NEK1: variants seen among roughly 807,000 people sequenced by gnomAD.
The protein encoded by NEK1 is serine/threonine-protein kinase Nek1.
Under a neutral mutation model 182.1 loss-of-function variants are expected in NEK1, and 137 were observed. The observed-to-expected ratio is 0.75, with a 90% CI of 0.65 to 0.87. NEK1 has a LOEUF of 0.87. Ranked by LOEUF, NEK1 falls within the 40% of genes least tolerant of loss-of-function variation. NEK1 has a pLI of 0.00. For missense variants in NEK1, 1,391 were observed against 1,494.4 expected, an observed-to-expected ratio of 0.93 and a Z score of 1.14; for synonymous variants, 513 against 492.2, an observed-to-expected ratio of 1.04 and a Z score of -0.56.
At chr4:169,561,770 C>T (rs768243953) in intron 14 of NEK1, 33 bp from the exon 15 acceptor site, 20 of 1,596,548 alleles carry the variant, frequency 1.3e-5, no homozygotes, top group Non-Finnish European at 1.6e-5. Flanking sequence ...CTTCTTACAA[C>T]TCTTGAACCT....
intron 32 of NEK1, among the ~76,000 whole-genome samples, chr4:169,404,588 A>C (rs1732254287): frequency 6.6e-6 from 1 of 152,150 alleles, no homozygotes; most frequent in Non-Finnish European, 1.5e-5. Context: ...ATTACAAAAT[A>C]AATTATAAAA....
chr4:169,493,942 C>T (rs990749402), intron 23 of NEK1, among the ~76,000 whole-genome samples: 7 of 152,120 alleles, frequency 4.6e-5, no homozygotes, highest in Non-Finnish European at 1.0e-4. Context: ...ATTCAGAGAA[C>T]ACCAGTGAGA....
At chr4:169,443,052 T>TATCC (rs1365267613) in intron 27 of NEK1, among the ~76,000 whole-genome samples, 1 of 9,372 alleles carries the variant, frequency 1.1e-4, no homozygotes, top group Non-Finnish European at 2.1e-4. Context: ...AAAAATATTT[T>TATCC]ATCTATCTAT....
intron 31 of NEK1, among the ~76,000 whole-genome samples, chr4:169,420,712 G>A (rs1021215537): frequency 6.6e-6 from 1 of 152,048 alleles, no homozygotes; most frequent in Non-Finnish European, 1.5e-5. Context: ...ATTATGCTAA[G>A]CTAAAGATGT....
intron 23 of NEK1, among the ~76,000 whole-genome samples, chr4:169,494,021 A>C (rs1310904242): frequency 6.6e-6 from 1 of 152,182 alleles, no homozygotes; most frequent in Non-Finnish European, 1.5e-5. Context: ...TGAAAGAAAC[A>C]ATCTTAAAGG....
intron 2 of NEK1, among the ~76,000 whole-genome samples, chr4:169,605,757 ACCAACTTTACTCACT>A (rs1337047784): frequency 6.6e-6 from 1 of 152,184 alleles, no homozygotes; most frequent in African/African-American, 2.4e-5. Context: ...AAATCACAAT[ACCAACTTTACTCACT>A]CTATAGTGTT....
chr4:169,529,939 G>A (rs1160917583), intron 19 of NEK1, among the ~76,000 whole-genome samples: 2 of 152,138 alleles, frequency 1.3e-5, no homozygotes, highest in Non-Finnish European at 2.9e-5. Flanking sequence ...CGAGTACAAT[G>A]CTGATGGGAA....
chr4:169,424,913 G>A, intron 30 of NEK1, 113 bp from the exon 31 acceptor site: 1 of 1,110,782 alleles, frequency 9.0e-7, no homozygotes, highest in Non-Finnish European at 1.2e-6. Flanking sequence ...CCACATATCA[G>A]GAAAATAAAA....
At chr4:169,571,473 G>A (rs1055598954) in intron 12 of NEK1, among the ~76,000 whole-genome samples, 8 of 152,122 alleles carry the variant, frequency 5.3e-5, no homozygotes, top group Admixed American at 5.2e-4. Context: ...TAGAAACGTG[G>A]GAATGGCGTA....
chr4:169,411,010 T>C (rs951034659), intron 31 of NEK1, among the ~76,000 whole-genome samples: 2 of 152,236 alleles, frequency 1.3e-5, no homozygotes, highest in African/African-American at 4.8e-5. Flanking sequence ...GTGCGTATCC[T>C]GTTTCCCTTC....
At chr4:169,561,951 A>G (rs1399614236) in intron 13 of NEK1, 60 bp from the exon 14 acceptor site, 1 of 1,444,576 alleles carries the variant, frequency 6.9e-7, no homozygotes. Flanking sequence ...TAGTTTCATC[A>G]GGAAAGTTAG....
chr4:169,416,335 C>T (rs1455801468), intron 31 of NEK1, among the ~76,000 whole-genome samples: 2 of 152,204 alleles, frequency 1.3e-5, no homozygotes, highest in Non-Finnish European at 2.9e-5. Flanking sequence ...CTCTCCATTA[C>T]AGGAATTATC....
At chr4:169,447,841 C>T (rs1740871095) in intron 27 of NEK1, among the ~76,000 whole-genome samples, 2 of 152,018 alleles carry the variant, frequency 1.3e-5, no homozygotes, top group African/African-American at 2.4e-5. Flanking sequence ...TGCACTCCAG[C>T]CCGGGCAACG....
At chr4:169,400,814 C>T (rs948621406) in intron 33 of NEK1, among the ~76,000 whole-genome samples, 163 bp from the exon 34 acceptor site, 5 of 149,830 alleles carry the variant, frequency 3.3e-5, no homozygotes, top group African/African-American at 1.2e-4. Flanking sequence ...CTTTATTTGG[C>T]AAAAAAAATG....
At chr4:169,538,067 A>G (rs189806126) in intron 18 of NEK1, among the ~76,000 whole-genome samples, 156 bp from the exon 19 acceptor site, 107 of 152,258 alleles carry the variant, frequency 7.0e-4, no homozygotes, top group Non-Finnish European at 1.2e-3. Flanking sequence ...ATATATTGAC[A>G]TCTACTACCT....
chr4:169,591,330 T>TC (rs1386583321), intron 5 of NEK1, among the ~76,000 whole-genome samples: 3 of 151,946 alleles, frequency 2.0e-5, no homozygotes, highest in Non-Finnish European at 4.4e-5. Flanking sequence ...TTTTGTTTTT[T>TC]TTACAGAGAC....
chr4:169,534,293 G>C (rs1026743353), intron 19 of NEK1, among the ~76,000 whole-genome samples: 2 of 152,168 alleles, frequency 1.3e-5, no homozygotes, highest in Non-Finnish European at 2.9e-5. Context: ...GGAAACAAAG[G>C]TGGTAAACCC....
chr4:169,505,931 G>A (rs1378334682), intron 23 of NEK1, among the ~76,000 whole-genome samples: 1 of 152,044 alleles, frequency 6.6e-6, no homozygotes, highest in Admixed American at 6.5e-5. Flanking sequence ...AGATAAGTGT[G>A]AAAATGATCA....
intron 12 of NEK1, among the ~76,000 whole-genome samples, chr4:169,566,823 G>C (rs764385077): frequency 5.3e-4 from 80 of 152,254 alleles, no homozygotes; most frequent in Admixed American, 1.0e-3. Context: ...CAAGGGAAAG[G>C]CCGTGTGTGG....
Sources: gnomAD v4.1 joint callset for allele counts (sites outside exome capture counted in the v4.1 genomes callset) on GRCh38, gnomAD v4.1.1 for gene constraint, MANE v1.5 for transcripts, NCBI Gene and HGNC (gene_info 2026-07-23, HGNC 2026-07-21) for gene names.